The following NUDT9 variants were observed in gnomAD, a reference collection of about 807,000 sequenced individuals.
The protein encoded by NUDT9 is nudix hydrolase 9.
Under a neutral mutation model 41.0 loss-of-function variants are expected in NUDT9, and 31 were observed. The observed-to-expected ratio is 0.76, with a 90% CI of 0.57 to 1.02. The LOEUF (loss-of-function observed/expected upper bound fraction) is 1.02, where lower values mean the gene tolerates loss of function less well. NUDT9 is among the 50% of genes least tolerant of loss of function. NUDT9 has a pLI of 0.00. For missense variants in NUDT9, 380 were observed against 431.4 expected (o/e 0.88, Z 1.06); for synonymous variants, 146 against 147.6 (o/e 0.99, Z 0.08).
chr4:87,447,198 G>A (rs79332966), intron 4 of NUDT9, among the ~76,000 whole-genome samples: 3,406 of 152,128 alleles, frequency 0.022, 135 homozygotes, highest in African/African-American at 0.078. Flanking sequence ...TCTTGCTTAT[G>A]TATTCCCCTT....
chr4:87,454,737 ATTAT>A (rs1578081887), intron 7 of NUDT9, among the ~76,000 whole-genome samples: 1 of 152,230 alleles, frequency 6.6e-6, no homozygotes, highest in East Asian at 1.9e-4. Context: ...AAGATGTCAG[ATTAT>A]TTATTGAGTA....
intron 4 of NUDT9, among the ~76,000 whole-genome samples, chr4:87,444,000 G>A (rs1248924698): frequency 6.6e-6 from 1 of 152,058 alleles, no homozygotes; most frequent in Non-Finnish European, 1.5e-5. Flanking sequence ...GAATTAAGAA[G>A]GTCAGTGAAT....
intron 7 of NUDT9, among the ~76,000 whole-genome samples, chr4:87,456,244 A>G (rs750762930): frequency 1.3e-5 from 2 of 152,206 alleles, no homozygotes; most frequent in Non-Finnish European, 2.9e-5. Context: ...AAGGGGAATC[A>G]TAGGAGAATA....
Position 87,422,956 on chromosome 4 carries a change from G to T in NUDT9, c.51G>T (p.Leu17=). The T allele has an allele frequency of 6.2e-7, 1 of 1,613,046 alleles. No homozygotes were observed. The change falls in exon 1 of 8, where the codon CTG becomes CTT. Residue 17 remains leucine (L), a synonymous_variant. Coordinates refer to ENST00000302174, the MANE Select transcript of NUDT9 (RefSeq NM_024047.5). ...CTTTAGCCGCGGTGTCTCTCTCTCT[G>T]GCCTTGGCCTCTGTGACTATCAGGT... ...GKALAAVSLS[L]ALASVTIRSS... is the part of the protein sequence containing the mutation.
At chr4:87,439,144 C>T (rs376328633) in intron 3 of NUDT9, among the ~76,000 whole-genome samples, 17 of 147,854 alleles carry the variant, frequency 1.1e-4, no homozygotes, top group African/African-American at 3.0e-4. Context: ...CCAGCCTGGG[C>T]GACAGAGCGA....
chr4:87,436,542 C>T (rs1435512763), intron 2 of NUDT9, among the ~76,000 whole-genome samples: 1 of 152,132 alleles, frequency 6.6e-6, no homozygotes, highest in Non-Finnish European at 1.5e-5. Context: ...AACTCCTGAG[C>T]TCAGGTGATC....
rs144983685 is a variant in NUDT9 at position 87,435,190 on chromosome 4, C to T, written c.317C>T (p.Ala106Val). 3.2e-5 allele frequency: 52 copies of T among 1,613,834 alleles called. No homozygotes were observed. Among genetic ancestry groups the T allele is most frequent in the Non-Finnish European group, 4.3e-5 (51 of 1,179,870 alleles). The change falls in exon 2 of 8, where the codon GCT becomes GTT. Residue 106 changes from alanine to valine, a missense_variant. Ala to Val is a moderately conservative substitution (Grantham distance 64). Transcript: ENST00000302174. ...GAATACACTGCAGTCTCTGTCTTGGCTGGACCCAGGTGGGCAGATCCTCAG... is the reference window on the plus strand; with the variant it reads ...GAATACACTGCAGTCTCTGTCTTGGTTGGACCCAGGTGGGCAGATCCTCAG... The part of the protein sequence containing the change: ...PVEYTAVSVL[A>V]GPRWADPQIS...
intron 5 of NUDT9, among the ~76,000 whole-genome samples, chr4:87,449,461 C>G (rs1190552536): frequency 6.6e-6 from 1 of 152,162 alleles, no homozygotes; most frequent in African/African-American, 2.4e-5. Flanking sequence ...GCGTGTAATT[C>G]TGACACCTTT....
chr4:87,441,772 A>G, intron 3 of NUDT9, 57 bp from the exon 4 acceptor site: 1 of 1,372,002 alleles, frequency 7.3e-7, no homozygotes. Flanking sequence ...GTTATATCAA[A>G]TCAGGTTAAA....
intron 1 of NUDT9, 83 bp from the exon 2 acceptor site, chr4:87,434,897 GC>G: frequency 8.1e-7 from 1 of 1,230,544 alleles, no homozygotes; most frequent in South Asian, 1.5e-5. Flanking sequence ...GGGATTACAG[GC>G]GTAAGCCACT....
intron 1 of NUDT9, among the ~76,000 whole-genome samples, chr4:87,431,975 T>C (rs905572470): frequency 6.6e-6 from 1 of 152,208 alleles, no homozygotes; most frequent in Non-Finnish European, 1.5e-5. Context: ...CATGAGCCAG[T>C]GCACCCAGCA....
intron 4 of NUDT9, among the ~76,000 whole-genome samples, chr4:87,445,736 A>C: frequency 6.6e-6 from 1 of 152,220 alleles, no homozygotes; most frequent in East Asian, 1.9e-4. Flanking sequence ...TCGTCAATTA[A>C]AATGATGTAT....
chr4:87,445,866 A>G (rs1722423525), intron 4 of NUDT9, among the ~76,000 whole-genome samples: 3 of 152,142 alleles, frequency 2.0e-5, no homozygotes, highest in Admixed American at 2.0e-4. Context: ...TCAGAATAAA[A>G]TCTGAGAACA....
At chr4:87,424,719 C>T (rs11097154) in intron 1 of NUDT9, among the ~76,000 whole-genome samples, 14,691 of 152,074 alleles carry the variant, frequency 0.097, 1,036 homozygotes, top group East Asian at 0.3. Flanking sequence ...CTATCTTTAT[C>T]TTCTTTTAGT....
chr4:87,456,813 C>T (rs1301277055), intron 7 of NUDT9, among the ~76,000 whole-genome samples: 1 of 152,114 alleles, frequency 6.6e-6, no homozygotes, highest in African/African-American at 2.4e-5. Context: ...TGCCTGTAAT[C>T]CCAGGTACTC....
chr4:87,454,456 G>C lies in NUDT9; in HGVS notation c.874+1G>C. ...GCTGTGAACTACCATGACGAAACAG[G>C]TAACTTTATATTTATTAAACTGGCT... On this transcript the variant is annotated splice_donor_variant, in intron 7 of 7. Transcript: ENST00000302174. LOFTEE classifies it high-confidence loss of function. 1 of 1,584,632 alleles carries C rather than the reference G, an allele frequency of 6.3e-7. No individual in the cohort carries two copies. Among genetic ancestry groups the C allele is most frequent in the Non-Finnish European group, 8.7e-7 (1 of 1,153,270 alleles).
intron 1 of NUDT9, among the ~76,000 whole-genome samples, chr4:87,433,957 T>C (rs966122990): frequency 3.9e-5 from 6 of 152,244 alleles, no homozygotes; most frequent in African/African-American, 1.4e-4. Flanking sequence ...TGTTTTTCCT[T>C]TGAACCATTT....
chr4:87,442,627 C>T (rs1459817446), intron 4 of NUDT9, among the ~76,000 whole-genome samples: 1 of 152,166 alleles, frequency 6.6e-6, no homozygotes, highest in African/African-American at 2.4e-5. Flanking sequence ...CATCATGCAA[C>T]TGTACAAAAA....
chr4:87,454,496 A>G (rs770541879), intron 7 of NUDT9, 41 bp downstream of exon 7: 1 of 1,281,426 alleles, frequency 7.8e-7, no homozygotes, highest in Non-Finnish European at 1.1e-6. Flanking sequence ...TTAAAGGATC[A>G]ATTTAAGCCA....
Sources: allele counts gnomAD v4.1 joint callset (sites outside exome capture counted in the v4.1 genomes callset), GRCh38; gene constraint gnomAD v4.1.1; transcripts MANE v1.5; gene names NCBI Gene and HGNC (gene_info 2026-07-23, HGNC 2026-07-21).